The following INPP4B variants were observed in gnomAD, a reference collection of about 807,000 sequenced individuals.
The protein encoded by INPP4B is inositol polyphosphate 4-phosphatase type II.
INPP4B carries 55 observed loss-of-function variants against 122.5 expected under a neutral mutation model. The ratio of observed to expected loss-of-function variants is 0.45; its 90% CI spans 0.36 to 0.56. The LOEUF is 0.56. Ranked by LOEUF, INPP4B falls within the 20% of genes least tolerant of loss-of-function variation. The pLI is 0.00. For missense variants in INPP4B, 1,000 were observed against 1,097.7 expected (o/e 0.91, Z 1.26); for synonymous variants, 403 against 388.7 (o/e 1.04, Z -0.43).
At chr4:142,687,592 GA>G (rs1759548308) in intron 2 of INPP4B, among the ~76,000 whole-genome samples, 1 of 145,596 alleles carries the variant, frequency 6.9e-6, no homozygotes, top group South Asian at 2.2e-4. Flanking sequence ...ATCCTTGAAG[GA>G]AAAACGGAAG....
At position 142,246,022 on chromosome 4, in the gene INPP4B, ATG is replaced by A. The variant is rs1393939473; in HGVS notation, c.689-8013_689-8012del. Among the ~76,000 whole-genome samples the A allele has an allele frequency of 1.8e-3, 251 of 140,348 alleles. 23 individuals are homozygous for A. Among genetic ancestry groups the A allele is most frequent in the African/African-American group, 6.6e-3 (240 of 36,198 alleles). The allele number at this position is 140,348 out of a possible 152,430, so 92.1% of individuals were successfully genotyped here. A position where few individuals can be genotyped will look rare whatever the true frequency, so the allele number is the denominator to read the frequency against. ...TGTGTATGTATACACACATGTGTGTATGTACACACACGTGTGTGTATACACAC... is the reference window on the plus strand; with the variant it reads ...TGTGTATGTATACACACATGTGTGTATACACACACGTGTGTGTATACACAC... On this transcript the variant is annotated intron_variant, in intron 11 of 25. Coordinates refer to ENST00000262992, the MANE Select transcript of INPP4B (RefSeq NM_001101669.3).
intron 2 of INPP4B, among the ~76,000 whole-genome samples, chr4:142,666,970 C>T (rs1580666898): frequency 6.6e-6 from 1 of 152,134 alleles, no homozygotes; most frequent in Non-Finnish European, 1.5e-5. Context: ...AAAACATGGA[C>T]TTTATAAATA....
At chr4:142,165,854 T>G (rs1822451518) in intron 16 of INPP4B, among the ~76,000 whole-genome samples, 1 of 151,702 alleles carries the variant, frequency 6.6e-6, no homozygotes. Flanking sequence ...TGCATGAAAG[T>G]TGCAGGTCCA....
At chr4:142,242,876 A>C (rs569392536) in intron 11 of INPP4B, among the ~76,000 whole-genome samples, 3 of 152,102 alleles carry the variant, frequency 2.0e-5, no homozygotes, top group Non-Finnish European at 4.4e-5. Context: ...TATGAGCTTT[A>C]TGTGTGGGGG....
rs1398499950 is a variant in INPP4B, at chr4:142,270,708, C to G, written c.570G>C (p.Glu190Asp). 2 of 1,613,856 alleles carry G rather than the reference C, an allele frequency of 1.2e-6. No homozygotes were observed. Among genetic ancestry groups the G allele is most frequent in the Admixed American group, 1.7e-5 (1 of 60,004 alleles). The change falls in exon 10 of 26, where the codon GAG becomes GAC. Residue 190 changes from glutamate to aspartate, a missense_variant. Transcript: ENST00000262992. ...EVSVVKMGEI[E>D]DGEADHITTD... Reference sequence around the variant, plus strand: ...TGGTGATGTGGTCGGCTTCCCCATCCTCAATCTCCCCCATCTTCACGACAC... The same window carrying G: ...TGGTGATGTGGTCGGCTTCCCCATCGTCAATCTCCCCCATCTTCACGACAC...
At chr4:142,639,153 T>G (rs1017082843) in intron 2 of INPP4B, among the ~76,000 whole-genome samples, 7 of 152,188 alleles carry the variant, frequency 4.6e-5, no homozygotes, top group Non-Finnish European at 8.8e-5. Flanking sequence ...ATAATTATTT[T>G]TATACATTAC....
chr4:142,287,512 G>T (rs185579104), intron 9 of INPP4B: 3 of 152,084 alleles, frequency 2.0e-5, no homozygotes, highest in Admixed American at 2.0e-4. Context: ...TTTTTGTCCC[G>T]GCTTACTAAG....
At chr4:142,643,622 TG>T (rs1751041579) in intron 2 of INPP4B, among the ~76,000 whole-genome samples, 1 of 152,208 alleles carries the variant, frequency 6.6e-6, no homozygotes, top group Non-Finnish European at 1.5e-5. Context: ...AAGATAACTC[TG>T]TAACAGCTCC....
chr4:142,032,029 G>T (rs1222712886), intron 25 of INPP4B, among the ~76,000 whole-genome samples: 1 of 152,142 alleles, frequency 6.6e-6, no homozygotes, highest in Non-Finnish European at 1.5e-5. Context: ...GAGACAGAGA[G>T]AATTTTAAAT....
intron 17 of INPP4B, among the ~76,000 whole-genome samples, chr4:142,154,677 G>C (rs967865543): frequency 1.3e-5 from 2 of 152,096 alleles, no homozygotes; most frequent in African/African-American, 2.4e-5. Flanking sequence ...TATAGTGGGA[G>C]AAAAGCTACT....
chr4:142,628,940 A>G (rs1464364640), intron 2 of INPP4B, among the ~76,000 whole-genome samples: 1 of 152,116 alleles, frequency 6.6e-6, no homozygotes, highest in African/African-American at 2.4e-5. Flanking sequence ...CAGTCAAAAT[A>G]TGTCCATAAG....
chr4:142,359,076 G>C (rs1370070615), intron 7 of INPP4B, among the ~76,000 whole-genome samples: 2 of 151,918 alleles, frequency 1.3e-5, no homozygotes, highest in East Asian at 3.9e-4. Context: ...CCAGCCTGTG[G>C]AGGAGCTGTA....
intron 21 of INPP4B, among the ~76,000 whole-genome samples, chr4:142,120,775 G>A (rs1796230988): frequency 6.6e-6 from 1 of 152,106 alleles, no homozygotes; most frequent in Non-Finnish European, 1.5e-5. Flanking sequence ...GACTTCTACT[G>A]ATGCTGCCCA....
At chr4:142,281,356 C>A (rs941433189) in intron 9 of INPP4B, among the ~76,000 whole-genome samples, 1 of 144,000 alleles carries the variant, frequency 6.9e-6, no homozygotes, top group African/African-American at 2.6e-5. Flanking sequence ...TTTTTTGCTT[C>A]TTCAACAAAA....
intron 2 of INPP4B, among the ~76,000 whole-genome samples, chr4:142,630,114 G>C (rs538665455): frequency 1.2e-4 from 18 of 152,048 alleles, no homozygotes; most frequent in Non-Finnish European, 2.4e-4. Context: ...CAGTAGTTCT[G>C]TTCCCGCCAT....
At chr4:142,132,157 C>T (rs1801630391) in intron 18 of INPP4B, among the ~76,000 whole-genome samples, 1 of 152,114 alleles carries the variant, frequency 6.6e-6, no homozygotes, top group South Asian at 2.1e-4. Flanking sequence ...ACCTAAGGGA[C>T]TGATTTTCAT....
At chr4:142,466,826 T>C (rs2149640091) in intron 2 of INPP4B, among the ~76,000 whole-genome samples, 1 of 152,260 alleles carries the variant, frequency 6.6e-6, no homozygotes, top group East Asian at 1.9e-4. Flanking sequence ...CTTGGGATAT[T>C]GCTTTCCACA....
chr4:142,729,115 G>C (rs1352723955), intron 1 of INPP4B, among the ~76,000 whole-genome samples: 1 of 152,110 alleles, frequency 6.6e-6, no homozygotes, highest in Non-Finnish European at 1.5e-5. Flanking sequence ...TAGATCCCTT[G>C]CATGTGCAGC....
At chr4:142,557,211 G>A (rs1376128525) in intron 2 of INPP4B, among the ~76,000 whole-genome samples, 8 of 152,070 alleles carry the variant, frequency 5.3e-5, no homozygotes, top group African/African-American at 1.2e-4. Context: ...TGGGAAATTC[G>A]GGGAAACAGT....
Sources: gnomAD v4.1 joint callset for allele counts (sites outside exome capture counted in the v4.1 genomes callset) on GRCh38, gnomAD v4.1.1 for gene constraint, MANE v1.5 for transcripts, NCBI Gene and HGNC (gene_info 2026-07-23, HGNC 2026-07-21) for gene names.